The following TAFA2 variants were observed in gnomAD, a reference collection of about 807,000 sequenced individuals.
TAFA2 encodes TAFA chemokine like family member 2.
Under a neutral mutation model 18.8 loss-of-function variants are expected in TAFA2, and 7 were observed. The observed-to-expected ratio is 0.37, with a 90% CI of 0.21 to 0.70. TAFA2 has a LOEUF of 0.70. Ranked by LOEUF, TAFA2 falls within the 30% of genes least tolerant of loss-of-function variation. TAFA2 has a pLI of 0.53. For synonymous variants in TAFA2, 60 were observed against 54.2 expected, an observed-to-expected ratio of 1.11 and a Z score of -0.47; for missense variants, 122 against 158.1, an observed-to-expected ratio of 0.77 and a Z score of 1.23.
intron 1 of TAFA2, among the ~76,000 whole-genome samples, chr12:62,045,604 G>T (rs1399090130): frequency 6.6e-6 from 1 of 152,162 alleles, no homozygotes; most frequent in Non-Finnish European, 1.5e-5. Context: ...TCAAAATTAT[G>T]CTCTACAAAC....
intron 1 of TAFA2, chr12:61,878,158 T>C (rs1592454855): frequency 2.2e-6 from 1 of 449,006 alleles, no homozygotes; most frequent in South Asian, 1.6e-5. Flanking sequence ...GAGGGAGAAA[T>C]AGAGAGTTAC....
At chr12:62,042,942 C>T (rs1017275125) in intron 1 of TAFA2, among the ~76,000 whole-genome samples, 1 of 151,980 alleles carries the variant, frequency 6.6e-6, no homozygotes. Context: ...ATCATCAGAA[C>T]TTAATAATTT....
intron 1 of TAFA2, among the ~76,000 whole-genome samples, chr12:61,932,769 C>A (rs1877612846): frequency 6.6e-6 from 1 of 152,140 alleles, no homozygotes; most frequent in African/African-American, 2.4e-5. Context: ...CCAGGACAGG[C>A]CCGCAAAGTA....
intron 1 of TAFA2, among the ~76,000 whole-genome samples, chr12:62,120,960 T>C (rs1435130683): frequency 1.3e-5 from 2 of 152,118 alleles, no homozygotes; most frequent in East Asian, 3.8e-4. Context: ...GGTTCAAGCA[T>C]TCTCCTGCCT....
At chr12:61,968,606 TTAAG>T (rs1294604017) in intron 1 of TAFA2, among the ~76,000 whole-genome samples, 3 of 151,736 alleles carry the variant, frequency 2.0e-5, no homozygotes, top group Non-Finnish European at 4.4e-5. Context: ...GGTATTATGA[TTAAG>T]TAATAAAAAT....
chr12:62,113,785 T>C (rs949602970), intron 1 of TAFA2, among the ~76,000 whole-genome samples: 6 of 152,184 alleles, frequency 3.9e-5, no homozygotes, highest in Non-Finnish European at 8.8e-5. Flanking sequence ...CGGCTTTGTT[T>C]ACAATGTGAG....
intron 1 of TAFA2, among the ~76,000 whole-genome samples, chr12:62,144,110 T>G (rs1474242687): frequency 6.6e-6 from 1 of 151,244 alleles, no homozygotes; most frequent in Admixed American, 6.6e-5. Context: ...GAGTTGATAG[T>G]TTTCCTTCTC....
intron 2 of TAFA2, among the ~76,000 whole-genome samples, chr12:61,798,154 CT>C (rs933988283): frequency 6.6e-6 from 1 of 151,718 alleles, no homozygotes; most frequent in African/African-American, 2.4e-5. Flanking sequence ...TTTTATTATT[CT>C]TTTTTTTGGT....
At chr12:62,182,895 T>C (rs1459466986) in intron 1 of TAFA2, among the ~76,000 whole-genome samples, 1 of 152,224 alleles carries the variant, frequency 6.6e-6, no homozygotes, top group Non-Finnish European at 1.5e-5. Context: ...GAAGAAAACA[T>C]ACAGCACAAT....
intron 4 of TAFA2, among the ~76,000 whole-genome samples, chr12:61,732,222 C>T (rs1380333177): frequency 6.6e-6 from 1 of 152,056 alleles, no homozygotes; most frequent in East Asian, 1.9e-4. Flanking sequence ...GTAACAGCAT[C>T]TGCAGAATAT....
intron 2 of TAFA2, among the ~76,000 whole-genome samples, chr12:61,852,413 T>C (rs1352761006): frequency 6.6e-6 from 1 of 151,864 alleles, no homozygotes; most frequent in Non-Finnish European, 1.5e-5. Context: ...TAGGAAAAAA[T>C]GTGGCTGAGA....
intron 2 of TAFA2, among the ~76,000 whole-genome samples, chr12:61,853,355 G>T (rs527640497): frequency 6.6e-6 from 1 of 152,154 alleles, no homozygotes; most frequent in Admixed American, 6.5e-5. Flanking sequence ...TTGGAAAAGA[G>T]ATATGTGGAA....
At chr12:62,080,019 A>G (rs912306239) in intron 1 of TAFA2, among the ~76,000 whole-genome samples, 17 of 152,320 alleles carry the variant, frequency 1.1e-4, no homozygotes, top group African/African-American at 3.6e-4. Flanking sequence ...GCCAGGCTGC[A>G]TTCTCATCCG....
intron 1 of TAFA2, among the ~76,000 whole-genome samples, chr12:61,955,637 AT>A (rs1878661426): frequency 1.4e-4 from 2 of 14,174 alleles, no homozygotes; most frequent in Non-Finnish European, 4.1e-4. Flanking sequence ...AAAAAAATAT[AT>A]ATATATATAT....
At chr12:62,213,430 G>A (rs940592294) in intron 1 of TAFA2, among the ~76,000 whole-genome samples, 7 of 152,114 alleles carry the variant, frequency 4.6e-5, no homozygotes, top group African/African-American at 1.7e-4. Context: ...AGATCATGAG[G>A]TCAAGAGATT....
intron 2 of TAFA2, among the ~76,000 whole-genome samples, chr12:61,816,139 C>T (rs958844066): frequency 2.0e-5 from 3 of 151,036 alleles, no homozygotes; most frequent in African/African-American, 7.4e-5. Context: ...AACCTAGTTC[C>T]CAATAGTTGT....
intron 2 of TAFA2, among the ~76,000 whole-genome samples, chr12:61,798,077 G>T (rs958123298): frequency 2.6e-5 from 4 of 152,152 alleles, no homozygotes; most frequent in Non-Finnish European, 5.9e-5. Context: ...TATAGATGCT[G>T]ATTGGCTAAA....
chr12:61,844,149 A>T (rs182588301), intron 2 of TAFA2, among the ~76,000 whole-genome samples: 14 of 152,260 alleles, frequency 9.2e-5, no homozygotes, highest in African/African-American at 3.1e-4. Flanking sequence ...GGAACAGGCA[A>T]ATGAGACCCA....
chr12:62,031,342 G>A (rs1881452249), intron 1 of TAFA2, among the ~76,000 whole-genome samples: 2 of 152,242 alleles, frequency 1.3e-5, no homozygotes, highest in South Asian at 4.1e-4. Flanking sequence ...TTTCTCCCAT[G>A]CTGGATGCTT....
Sources: gnomAD v4.1 joint callset for allele counts (sites outside exome capture counted in the v4.1 genomes callset) on GRCh38, gnomAD v4.1.1 for gene constraint, MANE v1.5 for transcripts, NCBI Gene and HGNC (gene_info 2026-07-23, HGNC 2026-07-21) for gene names.